The following SCOC variants were observed in gnomAD, a reference collection of about 807,000 sequenced individuals.
SCOC encodes short coiled coil protein.
A neutral mutation model predicts 9.9 loss-of-function variants in SCOC; 7 were observed. The ratio of observed to expected loss-of-function variants is 0.71; its 90% CI spans 0.40 to 1.33. The LOEUF (loss-of-function observed/expected upper bound fraction) is 1.33, where lower values mean the gene tolerates loss of function less well. SCOC is among the 40% of genes most tolerant of loss of function. The pLI, the probability that SCOC is intolerant of heterozygous loss-of-function variation, is 0.01. For missense variants in SCOC, 66 were observed against 89.7 expected (o/e 0.74, Z 1.07); for synonymous variants, 19 against 28.2 (o/e 0.67, Z 1.03).
At chr4:140,300,434 C>T (rs1191263586) in intron 1 of SCOC, among the ~76,000 whole-genome samples, 2 of 152,168 alleles carry the variant, frequency 1.3e-5, no homozygotes, top group Non-Finnish European at 2.9e-5. Context: ...TAGGCTTCTC[C>T]CCCAGGTACT....
chr4:140,375,986 A>G lies in SCOC; in HGVS notation c.-51+2269A>G, dbSNP rs1728327404. Among the ~76,000 whole-genome samples the G allele has an allele frequency of 2.6e-5, 4 of 152,278 alleles. No homozygotes were observed. The South Asian group carries it at 8.3e-4, about 32-fold the overall frequency. Reference sequence around the variant, plus strand: ...CTCGTTTTTCATCAGATTTGCGTTTATATATAGGAGCAGAAGGAGTTGAAA... The same window carrying G: ...CTCGTTTTTCATCAGATTTGCGTTTGTATATAGGAGCAGAAGGAGTTGAAA... On this transcript the variant is annotated intron_variant, in intron 1 of 3. Coordinates refer to ENST00000608372, the MANE Select transcript of SCOC (RefSeq NM_001153484.2).
At chr4:140,295,717 G>A (rs1200389506) in intron 1 of SCOC, among the ~76,000 whole-genome samples, 4 of 151,962 alleles carry the variant, frequency 2.6e-5, no homozygotes, top group Non-Finnish European at 5.9e-5. Context: ...CGAGGTGGGC[G>A]GATCACGAGG....
In SCOC at chr4:140,361,832, C is replaced by T. The variant is rs577648758; in HGVS notation, c.71-17289C>T. Among the ~76,000 whole-genome samples, 11 of 152,092 alleles carry T rather than the reference C, an allele frequency of 7.2e-5. No individual in the cohort carries two copies. In the South Asian group the frequency reaches 2.3e-3, roughly 32 times the overall value. On this transcript the variant is annotated intron_variant, in intron 2 of 4. Transcript: ENST00000338517. ...CTCTGAGGACTACATCTATTTTCTC[C>T]CAAAATGAAAGCTACAAGATACTTT...
At chr4:140,288,845 T>C (rs1731381524) in intron 1 of SCOC, among the ~76,000 whole-genome samples, 1 of 151,572 alleles carries the variant, frequency 6.6e-6, no homozygotes, top group African/African-American at 2.4e-5. Context: ...ATCACAAATG[T>C]CTATATACCC....
intron 1 of SCOC, among the ~76,000 whole-genome samples, chr4:140,332,073 A>T (rs968648255): frequency 6.6e-6 from 1 of 152,028 alleles, no homozygotes; most frequent in African/African-American, 2.4e-5. Flanking sequence ...GAAAACTCTT[A>T]TCATGTGAAC....
chr4:140,360,218 A>G (rs540031642), intron 2 of SCOC, among the ~76,000 whole-genome samples: 4 of 152,350 alleles, frequency 2.6e-5, no homozygotes, highest in African/African-American at 9.6e-5. Flanking sequence ...TGAATTAATA[A>G]AGAAGTAAAT....
Position 140,381,433 on chromosome 4 carries a change from C to A in SCOC, c.*329C>A, listed in dbSNP as rs146944540. 1.2e-4 allele frequency: 20 copies of A among 165,236 alleles called. 1 individual carries two copies. Among genetic ancestry groups the A allele is most frequent in the Non-Finnish European group, 2.5e-4 (19 of 76,572 alleles). The allele number at this position is 165,236 out of a possible 1,614,324, so 10.2% of individuals were successfully genotyped here. A position where few individuals can be genotyped will look rare whatever the true frequency, so the allele number is the denominator to read the frequency against. Reference sequence around the variant, plus strand: ...GTAAGATATACAAGAAAATAACCACCGTGTTGTGAAAAAGTGACCAAAATC... The same window carrying A: ...GTAAGATATACAAGAAAATAACCACAGTGTTGTGAAAAAGTGACCAAAATC... On this transcript the variant is annotated 3_prime_UTR_variant, in exon 4 of 4. Coordinates refer to ENST00000608372, the MANE Select transcript of SCOC (RefSeq NM_001153484.2).
chr4:140,281,461 G>T (rs931723466), intron 1 of SCOC, among the ~76,000 whole-genome samples: 4 of 152,188 alleles, frequency 2.6e-5, no homozygotes, highest in African/African-American at 7.2e-5. Flanking sequence ...CCATCCCAAG[G>T]CTCCACATAT....
chr4:140,282,543 T>C (rs1731125057), intron 1 of SCOC, among the ~76,000 whole-genome samples: 1 of 152,212 alleles, frequency 6.6e-6, no homozygotes, highest in Non-Finnish European at 1.5e-5. Context: ...ACTTGTGCTA[T>C]ATTCCTATTG....
chr4:140,275,102 T>C (rs1730952956), intron 1 of SCOC, among the ~76,000 whole-genome samples: 1 of 152,260 alleles, frequency 6.6e-6, no homozygotes, highest in South Asian at 2.1e-4. Context: ...CAAACTAGTA[T>C]GATTGGTCCA....
At chr4:140,334,882 G>T (rs935734028) in intron 1 of SCOC, among the ~76,000 whole-genome samples, 4 of 152,042 alleles carry the variant, frequency 2.6e-5, no homozygotes. Context: ...TGGCTGGATT[G>T]CTTGAGCCCA....
At chr4:140,303,683 G>C (rs938558201) in intron 1 of SCOC, among the ~76,000 whole-genome samples, 7 of 152,308 alleles carry the variant, frequency 4.6e-5, no homozygotes, top group Admixed American at 3.9e-4. Flanking sequence ...TTCAGCTGGA[G>C]CTATGGGAAC....
chr4:140,296,093 T>A (rs114516516), intron 1 of SCOC, among the ~76,000 whole-genome samples: 185 of 152,180 alleles, frequency 1.2e-3, no homozygotes, highest in African/African-American at 4.4e-3. Context: ...ATGATTGTTA[T>A]GAGAATGAAG....
intron 1 of SCOC, among the ~76,000 whole-genome samples, chr4:140,263,631 G>A (rs1730676747): frequency 6.6e-6 from 1 of 152,232 alleles, no homozygotes; most frequent in Admixed American, 6.5e-5. Flanking sequence ...GTGAGGAAAA[G>A]ATTAGCGAGG....
At chr4:140,346,234 G>C (rs537089446) in intron 2 of SCOC, among the ~76,000 whole-genome samples, 1 of 152,210 alleles carries the variant, frequency 6.6e-6, no homozygotes, top group South Asian at 2.1e-4. Flanking sequence ...CACCTTTTAG[G>C]GAACTCTAAA....
chr4:140,301,471 G>T (rs923074650), intron 1 of SCOC, among the ~76,000 whole-genome samples: 6 of 152,160 alleles, frequency 3.9e-5, no homozygotes, highest in Non-Finnish European at 7.3e-5. Flanking sequence ...TCACCATAGA[G>T]GGTCAGGCTC....
chr4:140,347,622 G>A (rs1312391801), intron 2 of SCOC, among the ~76,000 whole-genome samples: 1 of 152,076 alleles, frequency 6.6e-6, no homozygotes, highest in Non-Finnish European at 1.5e-5. Flanking sequence ...TCTACTCCTA[G>A]TTCCATTCTC....
intron 1 of SCOC, among the ~76,000 whole-genome samples, chr4:140,262,216 C>T (rs889756775): frequency 3.3e-5 from 5 of 151,972 alleles, no homozygotes; most frequent in South Asian, 2.1e-4. Context: ...CTAGTGCCTC[C>T]GTGTTTGTTT....
chr4:140,278,864 C>T (rs927934756), intron 1 of SCOC, among the ~76,000 whole-genome samples: 1 of 121,844 alleles, frequency 8.2e-6, no homozygotes, highest in Non-Finnish European at 1.6e-5. Flanking sequence ...ATTCACTTTG[C>T]CCCCCCAACC....
Sources: gnomAD v4.1 joint callset for allele counts (sites outside exome capture counted in the v4.1 genomes callset) on GRCh38, gnomAD v4.1.1 for gene constraint, MANE v1.5 for transcripts, NCBI Gene and HGNC (gene_info 2026-07-23, HGNC 2026-07-21) for gene names.